Variants in PLCL1 observed in about 807,000 individuals in gnomAD.
PLCL1 encodes inactive phospholipase C-like protein 1.
PLCL1 carries 41 observed loss-of-function variants against 84.4 expected under a neutral mutation model. That is an observed-to-expected ratio of 0.49 (90% CI 0.38 to 0.63). The LOEUF (loss-of-function observed/expected upper bound fraction) is 0.63. Ranked by LOEUF, PLCL1 falls within the 30% of genes least tolerant of loss-of-function variation. The probability of loss-of-function intolerance (pLI) is 0.00; values close to 1 mark genes in which losing one functional copy is unlikely to be tolerated. For synonymous variants in PLCL1, 490 were observed against 488.3 expected, an observed-to-expected ratio of 1.00 and a Z score of -0.05; for missense variants, 1,206 against 1,367.8, an observed-to-expected ratio of 0.88 and a Z score of 1.87.
At chr2:197,809,354 T>A (rs978952176) in intron 1 of PLCL1, among the ~76,000 whole-genome samples, 3 of 152,222 alleles carry the variant, frequency 2.0e-5, no homozygotes, top group Admixed American at 2.0e-4. Context: ...GGTTCTCAGA[T>A]GCAAGAAGTC....
At chr2:197,998,728 C>T (rs1690527644) in intron 1 of PLCL1, among the ~76,000 whole-genome samples, 3 of 152,184 alleles carry the variant, frequency 2.0e-5, no homozygotes, top group Admixed American at 1.3e-4. Context: ...CTCAACTCTC[C>T]ACAGTTAGCA....
intron 1 of PLCL1, among the ~76,000 whole-genome samples, chr2:197,814,492 C>T (rs1690649709): frequency 6.6e-6 from 1 of 152,146 alleles, no homozygotes; most frequent in Non-Finnish European, 1.5e-5. Context: ...CTCCTTGGGC[C>T]TCCTACTCTT....
intron 5 of PLCL1, among the ~76,000 whole-genome samples, chr2:198,129,339 C>A (rs1401459893): frequency 6.6e-6 from 1 of 152,112 alleles, no homozygotes; most frequent in Non-Finnish European, 1.5e-5. Flanking sequence ...GACCGTTGGT[C>A]TCCAACAACA....
intron 1 of PLCL1, among the ~76,000 whole-genome samples, chr2:197,815,068 G>A (rs1171751372): frequency 1.3e-5 from 2 of 152,152 alleles, no homozygotes; most frequent in African/African-American, 4.8e-5. Context: ...TATCGATGAA[G>A]CCGGCTACAC....
At chr2:197,874,188 C>G (rs1687696358) in intron 1 of PLCL1, among the ~76,000 whole-genome samples, 1 of 152,126 alleles carries the variant, frequency 6.6e-6, no homozygotes, top group South Asian at 2.1e-4. Flanking sequence ...TATGCAGTCA[C>G]AAGTCCTTTC....
intron 1 of PLCL1, among the ~76,000 whole-genome samples, chr2:198,082,968 C>T (rs1692760512): frequency 6.6e-6 from 1 of 152,166 alleles, no homozygotes; most frequent in Admixed American, 6.5e-5. Context: ...GATCCAAGGA[C>T]ACTTCCAGAA....
At chr2:198,134,351 G>A (rs2164069) in intron 5 of PLCL1, among the ~76,000 whole-genome samples, 39,397 of 151,976 alleles carry the variant, frequency 0.26, 6,400 homozygotes, top group East Asian at 0.54. Context: ...ACCAGTCATT[G>A]TGGAGGAAGC....
intron 3 of PLCL1, among the ~76,000 whole-genome samples, chr2:198,098,638 G>A (rs1693256995): frequency 6.6e-6 from 1 of 152,148 alleles, no homozygotes; most frequent in Admixed American, 6.5e-5. Flanking sequence ...AAAGATTGTG[G>A]TTCTAGGAAT....
At chr2:197,893,798 T>C (rs889764773) in intron 1 of PLCL1, among the ~76,000 whole-genome samples, 7 of 151,988 alleles carry the variant, frequency 4.6e-5, no homozygotes. Context: ...ACAGAAGGCT[T>C]GACTTAGAGT....
intron 3 of PLCL1, among the ~76,000 whole-genome samples, chr2:198,095,820 A>G (rs940747375): frequency 3.3e-5 from 5 of 152,184 alleles, no homozygotes; most frequent in Admixed American, 6.5e-5. Context: ...CTCCAGCCCT[A>G]ATGTTTTACT....
intron 1 of PLCL1, among the ~76,000 whole-genome samples, chr2:198,049,614 T>C (rs1691880935): frequency 6.6e-6 from 1 of 152,116 alleles, no homozygotes; most frequent in African/African-American, 2.4e-5. Context: ...CAGGGTGTGG[T>C]GGTGGAGCTG....
chr2:197,945,104 T>C (rs980052644), intron 1 of PLCL1, among the ~76,000 whole-genome samples: 8 of 152,230 alleles, frequency 5.3e-5, no homozygotes, highest in Non-Finnish European at 1.5e-5. Flanking sequence ...TAAAATCTAA[T>C]TTATAGCATA....
At chr2:197,923,401 C>T (rs542890789) in intron 1 of PLCL1, among the ~76,000 whole-genome samples, 36 of 144,300 alleles carry the variant, frequency 2.5e-4, no homozygotes, top group East Asian at 2.0e-3. Flanking sequence ...ACTTCTCAGA[C>T]GGGGTGGTTG....
At chr2:198,117,616 T>C (rs1443663376) in intron 5 of PLCL1, among the ~76,000 whole-genome samples, 2 of 151,904 alleles carry the variant, frequency 1.3e-5, no homozygotes, top group African/African-American at 4.8e-5. Context: ...TCTCCACACT[T>C]ACCACACATG....
intron 1 of PLCL1, among the ~76,000 whole-genome samples, chr2:198,035,944 G>A (rs1404688141): frequency 6.6e-6 from 1 of 152,188 alleles, no homozygotes; most frequent in Non-Finnish European, 1.5e-5. Context: ...GCAGAGGCAA[G>A]GAGAATCCCT....
At chr2:197,891,221 GACA>G (rs1688020597) in intron 1 of PLCL1, among the ~76,000 whole-genome samples, 1 of 152,108 alleles carries the variant, frequency 6.6e-6, no homozygotes, top group Non-Finnish European at 1.5e-5. Flanking sequence ...GTGTGAGGTG[GACA>G]ACAACAGAGC....
chr2:198,029,437 G>A (rs1691353613), intron 1 of PLCL1, among the ~76,000 whole-genome samples: 1 of 152,124 alleles, frequency 6.6e-6, no homozygotes, highest in African/African-American at 2.4e-5. Context: ...AGGATGAGAT[G>A]GCATTCTCTT....
intron 3 of PLCL1, among the ~76,000 whole-genome samples, chr2:198,092,422 G>T (rs1244303643): frequency 6.6e-6 from 1 of 152,134 alleles, no homozygotes; most frequent in Non-Finnish European, 1.5e-5. Context: ...AATATGTAAT[G>T]ATCAAATTAG....
chr2:198,074,783 C>T lies in PLCL1; in HGVS notation c.241-8975C>T, dbSNP rs184726548. Among the ~76,000 whole-genome samples the T allele has an allele frequency of 6.8e-4, 104 of 152,272 alleles. 3 individuals are homozygous for T. The South Asian group carries it at 0.013, about 20-fold the overall frequency. On this transcript the variant is annotated intron_variant, in intron 1 of 5. Coordinates refer to ENST00000428675, the MANE Select transcript of PLCL1 (RefSeq NM_006226.4). The stretch of plus-strand genomic sequence containing the variant: ...TGACATGAACTCTATTTAATAATGT[C>T]TTATTCCCGTTGATATTTTAATTTT...
Sources: gnomAD v4.1 joint callset for allele counts (sites outside exome capture counted in the v4.1 genomes callset) on GRCh38, gnomAD v4.1.1 for gene constraint, MANE v1.5 for transcripts, NCBI Gene and HGNC (gene_info 2026-07-23, HGNC 2026-07-21) for gene names.